The following NEGR1 variants were observed in gnomAD, a reference collection of about 807,000 sequenced individuals.
NEGR1 encodes neuronal growth regulator 1.
In NEGR1, 10 loss-of-function variants were observed where a neutral mutation model predicts 40.9. The observed-to-expected ratio is 0.24, with a 90% CI of 0.15 to 0.42. NEGR1 has a LOEUF of 0.42. Among genes scored for constraint, NEGR1 ranks in the 10% least tolerant of loss-of-function variants. The pLI is 1.00. For synonymous variants in NEGR1, 185 were observed against 166.8 expected (o/e 1.11, Z -0.84); for missense variants, 352 against 438.9 (o/e 0.80, Z 1.77).
At chr1:71,847,290 T>C (rs1659451744) in intron 2 of NEGR1, among the ~76,000 whole-genome samples, 1 of 152,230 alleles carries the variant, frequency 6.6e-6, no homozygotes, top group African/African-American at 2.4e-5. Flanking sequence ...CAACATAATG[T>C]TTTGAAATGC....
intron 1 of NEGR1, among the ~76,000 whole-genome samples, chr1:72,001,850 G>C (rs574320176): frequency 6.6e-6 from 1 of 151,908 alleles, no homozygotes; most frequent in East Asian, 1.9e-4. Context: ...GTATACTCTT[G>C]ATTCACTTAA....
intron 2 of NEGR1, among the ~76,000 whole-genome samples, chr1:71,907,624 A>G (rs1217554882): frequency 6.6e-6 from 1 of 152,164 alleles, no homozygotes; most frequent in African/African-American, 2.4e-5. Context: ...ACACAACTAC[A>G]TTCCACCCAG....
chr1:72,209,884 T>C lies in NEGR1; in HGVS notation c.176+72435A>G, dbSNP rs569109937. On this transcript the variant is annotated intron_variant, in intron 1 of 6. Coordinates refer to ENST00000357731, the MANE Select transcript of NEGR1 (RefSeq NM_173808.3). ...AGACACACACACTAAATAGTAATTA[T>C]AGCTATAAATACAATAATAACAACT... 3.2e-3 allele frequency among the ~76,000 whole-genome samples: 491 copies of C among 151,986 alleles called. 2 individuals carry two copies. Among genetic ancestry groups the C allele is most frequent in the Non-Finnish European group, 5.7e-3 (388 of 67,864 alleles).
rs534356731 is a variant in NEGR1, at chr1:71,884,913, C to A, written c.409+50166G>T. Among the ~76,000 whole-genome samples, 183 of 152,260 alleles carry A rather than the reference C, an allele frequency of 1.2e-3. 1 individual carries two copies. The highest frequency in any genetic ancestry group is 4.3e-3 in the African/African-American group (179 of 41,546). On this transcript the variant is annotated intron_variant, in intron 2 of 6. Coordinates refer to ENST00000357731, the MANE Select transcript of NEGR1 (RefSeq NM_173808.3). ...ATTTTTTCTAGGTGTATGAAATAAT[C>A]TGAAATAATTTCTGAGGGTTCCACT... is the stretch of plus-strand genomic sequence containing the variant.
chr1:71,663,142 A>G (rs1303677944), intron 4 of NEGR1, among the ~76,000 whole-genome samples: 1 of 151,942 alleles, frequency 6.6e-6, no homozygotes, highest in African/African-American at 2.4e-5. Flanking sequence ...TATTTTTAGT[A>G]GAGATGGGTT....
intron 2 of NEGR1, among the ~76,000 whole-genome samples, chr1:71,866,805 G>C (rs532975445): frequency 6.6e-6 from 1 of 152,304 alleles, no homozygotes; most frequent in South Asian, 2.1e-4. Flanking sequence ...AGAAGTGATA[G>C]TATAATGTGA....
chr1:71,719,981 T>C (rs1414506890), intron 3 of NEGR1, among the ~76,000 whole-genome samples: 1 of 152,086 alleles, frequency 6.6e-6, no homozygotes, highest in Non-Finnish European at 1.5e-5. Context: ...TATAATGCCA[T>C]TATGAAAAAG....
intron 3 of NEGR1, among the ~76,000 whole-genome samples, chr1:71,775,768 G>C (rs2101717292): frequency 6.6e-6 from 1 of 152,102 alleles, no homozygotes; most frequent in Non-Finnish European, 1.5e-5. Context: ...AAGTTGAGCA[G>C]ATGACTTGAG....
chr1:71,930,431 C>A lies in NEGR1; in HGVS notation c.409+4648G>T, dbSNP rs116416054. ...CTTAGAAATAAATTTTTGACATGCT[C>A]TGAAAGTATATGAAAATCATATTAC... On this transcript the variant is annotated intron_variant, in intron 2 of 6. Transcript: ENST00000357731. Among the ~76,000 whole-genome samples, 1,030 of 152,186 alleles carry A rather than the reference C, an allele frequency of 6.8e-3. 15 individuals carry two copies. Among genetic ancestry groups the A allele is most frequent in the African/African-American group, 0.023 (971 of 41,502 alleles).
chr1:72,010,723 C>G (rs1339669469), intron 1 of NEGR1, among the ~76,000 whole-genome samples: 1 of 151,314 alleles, frequency 6.6e-6, no homozygotes, highest in Admixed American at 6.6e-5. Flanking sequence ...GGCTACAAAT[C>G]TGAGGGGGCA....
intron 4 of NEGR1, among the ~76,000 whole-genome samples, chr1:71,688,854 A>T (rs994453004): frequency 1.1e-4 from 16 of 152,144 alleles, no homozygotes; most frequent in Non-Finnish European, 5.9e-5. Context: ...ATGTATTATG[A>T]CAAAGCTCAC....
At chr1:71,566,896 C>G (rs958029960) in intron 6 of NEGR1, among the ~76,000 whole-genome samples, 1 of 152,072 alleles carries the variant, frequency 6.6e-6, no homozygotes, top group South Asian at 2.1e-4. Flanking sequence ...CTGGCTGTGT[C>G]CTTACAGAGT....
At chr1:71,871,024 G>C (rs1660263616) in intron 2 of NEGR1, among the ~76,000 whole-genome samples, 3 of 152,304 alleles carry the variant, frequency 2.0e-5, no homozygotes. Context: ...TGAGAAGCAA[G>C]CCTAATGGAA....
At chr1:72,244,862 T>C (rs1654855386) in intron 1 of NEGR1, among the ~76,000 whole-genome samples, 1 of 152,048 alleles carries the variant, frequency 6.6e-6, no homozygotes, top group African/African-American at 2.4e-5. Flanking sequence ...ATCTAACACA[T>C]GCATTTTCTC....
At chr1:72,059,655 CAAAAT>C (rs1215318324) in intron 1 of NEGR1, among the ~76,000 whole-genome samples, 1 of 151,532 alleles carries the variant, frequency 6.6e-6, no homozygotes, top group Non-Finnish European at 1.5e-5. Flanking sequence ...TTACAAGTAA[CAAAAT>C]AAAACAGTAA....
intron 3 of NEGR1, among the ~76,000 whole-genome samples, chr1:71,751,540 C>T (rs1031559652): frequency 2.0e-5 from 3 of 152,102 alleles, no homozygotes; most frequent in Non-Finnish European, 4.4e-5. Flanking sequence ...TATTTGACAA[C>T]TTTTTTTCTC....
intron 1 of NEGR1, among the ~76,000 whole-genome samples, chr1:72,267,932 T>C (rs1282687548): frequency 1.3e-5 from 2 of 150,634 alleles, no homozygotes; most frequent in Non-Finnish European, 3.0e-5. Context: ...TAGAGGAAAA[T>C]CCATGTATAA....
chr1:72,132,952 C>A (rs930043593), intron 1 of NEGR1, among the ~76,000 whole-genome samples: 4 of 151,970 alleles, frequency 2.6e-5, no homozygotes, highest in African/African-American at 9.7e-5. Context: ...ATCTTTGAAG[C>A]AAAGAGATAG....
intron 2 of NEGR1, chr1:71,794,585 T>C (rs1332664910): frequency 1.3e-5 from 2 of 152,126 alleles, no homozygotes; most frequent in African/African-American, 4.8e-5. Context: ...TCATGCCATG[T>C]ACATAAATAA....
Sources: gnomAD v4.1 joint callset for allele counts (sites outside exome capture counted in the v4.1 genomes callset) on GRCh38, gnomAD v4.1.1 for gene constraint, MANE v1.5 for transcripts, NCBI Gene and HGNC (gene_info 2026-07-23, HGNC 2026-07-21) for gene names.